Variants in GTF3C3 observed in about 807,000 individuals in gnomAD.
The protein encoded by GTF3C3 is general transcription factor 3C polypeptide 3.
In GTF3C3, 75 loss-of-function variants were observed where a neutral mutation model predicts 105.2. The ratio of observed to expected loss-of-function variants is 0.71; its 90% CI spans 0.59 to 0.86. The LOEUF (loss-of-function observed/expected upper bound fraction) is 0.86, where lower values mean the gene tolerates loss of function less well. Among genes scored for constraint, GTF3C3 ranks in the 40% least tolerant of loss-of-function variants. The pLI, the probability that GTF3C3 is intolerant of heterozygous loss-of-function variation, is 0.00. For synonymous variants in GTF3C3, 335 were observed against 370.4 expected, an observed-to-expected ratio of 0.90 and a Z score of 1.10; for missense variants, 856 against 1,076.5, an observed-to-expected ratio of 0.80 and a Z score of 2.87.
At chr2:196,787,925 A>G (rs1699480368) in intron 6 of GTF3C3, among the ~76,000 whole-genome samples, 1 of 152,142 alleles carries the variant, frequency 6.6e-6, no homozygotes, top group Admixed American at 6.6e-5. Flanking sequence ...TCCACATAGG[A>G]AAGACCTCAA....
At position 196,793,019 on chromosome 2, in the gene GTF3C3, G is replaced by A. The variant is rs951533067; in HGVS notation, c.348C>T (p.Pro116=). The A allele has an allele frequency of 8.1e-6, 13 of 1,613,740 alleles. No individual in the cohort carries two copies. Among genetic ancestry groups the A allele is most frequent in the Non-Finnish European group, 1.1e-5 (13 of 1,179,814 alleles). The change falls in exon 3 of 18, where the codon CCC becomes CCT. Residue 116 remains proline (P), a synonymous_variant. Coordinates refer to ENST00000263956, the MANE Select transcript of GTF3C3 (RefSeq NM_012086.5). ...CCAATACAAATACATCGCCCGCAGT[G>A]GGTTGCTCAGGTGTTTCTTCCTCCT... ...EEEEEETPEQ[P]TAGDVFVLEM...
In GTF3C3 at chr2:196,799,560, A is replaced by G; in HGVS notation, c.52T>C (p.Phe18Leu). The G allele has an allele frequency of 6.2e-7, 1 of 1,614,150 alleles. No individual in the cohort carries two copies. The highest frequency in any genetic ancestry group is 1.7e-5 in the Admixed American group (1 of 60,030). The change falls in exon 1 of 18, where the codon TTT becomes CTT. Residue 18 changes from phenylalanine to leucine, a missense_variant. Transcript: ENST00000263956. ...LIDYLEGKIS[F>L]EEFERRREER... is the part of the protein sequence containing the mutation. Reference sequence around the variant, plus strand: ...TCTCTCCGCCGTTCGAACTCCTCAAAGGAGATTTTCCCTTCCAAGTAGTCG... The same window carrying G: ...TCTCTCCGCCGTTCGAACTCCTCAAGGGAGATTTTCCCTTCCAAGTAGTCG...
intron 8 of GTF3C3, 132 bp from the exon 9 acceptor site, chr2:196,780,794 A>G (rs1699337169): frequency 3.9e-6 from 4 of 1,031,412 alleles, no homozygotes; most frequent in South Asian, 3.9e-5. Context: ...AACTCTATTA[A>G]TAAGTTCTTA....
intron 15 of GTF3C3, among the ~76,000 whole-genome samples, chr2:196,770,917 G>C (rs1263493500): frequency 2.0e-5 from 3 of 152,222 alleles, no homozygotes; most frequent in African/African-American, 7.2e-5. Context: ...TCTGATGTTT[G>C]AGGTTACTGG....
In GTF3C3 at chr2:196,772,966, C is replaced by G. The variant is rs1362106016; in HGVS notation, c.2019G>C (p.Leu673=). Residue 673 remains leucine (L), a synonymous_variant, in exon 14 of 18, where the codon CTG becomes CTC. Transcript: ENST00000263956. The part of the protein sequence containing the change: ...QKRKELEYFG[L]SAAILDKNFR... ...AATTTTTGTCCAGAATTGCAGCAGA[C>G]AGACCAAAGTATTCTAGTTCTTTGC... 5.6e-6 allele frequency: 9 copies of G among 1,603,712 alleles called. No individual in the cohort carries two copies. Among genetic ancestry groups the G allele is most frequent in the Non-Finnish European group, 7.7e-6 (9 of 1,176,166 alleles).
rs1699426047 is a variant in GTF3C3 at position 196,784,876 on chromosome 2, G to A, written c.1095C>T (p.Gly365=). ...IVLEKKTSEE[G]TSEENKAPEN... is the part of the protein sequence containing the mutation. ...TACAACCTTTATTCTCTTCTGAGGT[G>A]CCTTCTTCTGAAGTTTTTTTTTCCA... Residue 365 remains glycine (G), a synonymous_variant, in exon 8 of 18, where the codon GGC becomes GGT. Transcript: ENST00000263956. The A allele has an allele frequency of 6.2e-7, 1 of 1,611,008 alleles. No homozygotes were observed. Among genetic ancestry groups the A allele is most frequent in the African/African-American group, 1.3e-5 (1 of 74,838 alleles).
chr2:196,799,383 A>T (rs974463960), intron 1 of GTF3C3, 127 bp downstream of exon 1: 4 of 692,004 alleles, frequency 5.8e-6, no homozygotes, highest in Non-Finnish European at 1.0e-5. Flanking sequence ...TTTCTGTAAG[A>T]TAAGGAAGAA....
chr2:196,764,725 CTG>C (rs760299257), intron 17 of GTF3C3, 40 bp from the exon 18 acceptor site: 1 of 1,564,846 alleles, frequency 6.4e-7, no homozygotes, highest in Non-Finnish European at 8.7e-7. Context: ...ATATTTCCAA[CTG>C]TCAACCGGGA....
chr2:196,798,535 A>AAATAC (rs1186418317), intron 1 of GTF3C3, among the ~76,000 whole-genome samples: 15 of 151,770 alleles, frequency 9.9e-5, no homozygotes, highest in African/African-American at 3.4e-4. Context: ...AAATAAAATA[A>AAATAC]AATAAAATAA....
At chr2:196,782,295 G>A (rs1284218312) in intron 8 of GTF3C3, among the ~76,000 whole-genome samples, 6 of 152,180 alleles carry the variant, frequency 3.9e-5, no homozygotes, top group Non-Finnish European at 8.8e-5. Context: ...CTAATCTCCA[G>A]AACTGTGAGC....
chr2:196,795,009 G>A (rs754274421), intron 2 of GTF3C3, among the ~76,000 whole-genome samples: 12 of 149,820 alleles, frequency 8.0e-5, no homozygotes, highest in Non-Finnish European at 1.3e-4. Flanking sequence ...GATTACATGC[G>A]TAAGCTATCA....
chr2:196,784,059 AAC>A (rs1428241213), intron 8 of GTF3C3, among the ~76,000 whole-genome samples: 1 of 152,172 alleles, frequency 6.6e-6, no homozygotes, highest in Non-Finnish European at 1.5e-5. Flanking sequence ...TGTTTTAAGT[AAC>A]AGTTTTTGTT....
intron 6 of GTF3C3, 67 bp from the exon 7 acceptor site, chr2:196,785,655 T>A (rs1041437989): frequency 1.1e-6 from 1 of 924,592 alleles, no homozygotes; most frequent in Non-Finnish European, 1.7e-6. Context: ...TTTCCTTGCT[T>A]AGGCTATCTA....
chr2:196,784,578 G>GT (rs201351274), intron 8 of GTF3C3, among the ~76,000 whole-genome samples: 5 of 151,484 alleles, frequency 3.3e-5, no homozygotes, highest in East Asian at 1.9e-4. Flanking sequence ...TCAGTAATTC[G>GT]TTTTTTTTCC....
At position 196,775,230 on chromosome 2, in the gene GTF3C3, C is replaced by T; in HGVS notation, c.1717G>A (p.Val573Ile). Reference protein sequence around the residue: ...LLKVAMNRAQVCLISSSKSGE... With the variant: ...LLKVAMNRAQICLISSSKSGE... Reference sequence around the variant, plus strand: ...GACTTGGAACTGGATATCAAACAAACTTGGGCTCGATTCATTGCTACCTGA... The same window carrying T: ...GACTTGGAACTGGATATCAAACAAATTTGGGCTCGATTCATTGCTACCTGA... Residue 573 changes from valine to isoleucine, a missense_variant, in exon 13 of 18, where the codon GTT becomes ATT. Physicochemically the swap from Val to Ile is conservative, Grantham distance 29. Around this residue, in one of 3 missense-constraint regions of GTF3C3, gnomAD observed 605 missense variants for 833.6 expected, o/e 0.73. Transcript: ENST00000263956. 1 of 1,606,124 alleles carries T rather than the reference C, an allele frequency of 6.2e-7. No homozygotes were observed. Among genetic ancestry groups the T allele is most frequent in the Non-Finnish European group, 8.5e-7 (1 of 1,177,640 alleles).
intron 5 of GTF3C3, among the ~76,000 whole-genome samples, 186 bp from the exon 6 acceptor site, chr2:196,789,555 G>A (rs1481324018): frequency 1.3e-5 from 2 of 152,166 alleles, no homozygotes; most frequent in Non-Finnish European, 2.9e-5. Flanking sequence ...GATAGAATCT[G>A]AATCTCAACA....
At position 196,780,661 on chromosome 2, in the gene GTF3C3, A is replaced by T; in HGVS notation, c.1116T>A (p.Ala372=). The part of the protein sequence containing the change: ...SEEGTSEENK[A]PENVTCTIPD... ...GTATAGTGCAGGTAACATTCTCAGGAGCTGGAGAATACACAGACAAGAAGC... is the reference window on the plus strand; with the variant it reads ...GTATAGTGCAGGTAACATTCTCAGGTGCTGGAGAATACACAGACAAGAAGC... The change falls in exon 9 of 18, where the codon GCT becomes GCA. Residue 372 remains alanine, a splice_region_variant and synonymous_variant. Coordinates refer to ENST00000263956, the MANE Select transcript of GTF3C3 (RefSeq NM_012086.5). The T allele has an allele frequency of 6.2e-7, 1 of 1,609,396 alleles. No individual in the cohort carries two copies. The highest frequency in any genetic ancestry group is 1.1e-5 in the South Asian group (1 of 90,694).
chr2:196,784,989 C>T, intron 7 of GTF3C3, 60 bp from the exon 8 acceptor site: 1 of 1,103,764 alleles, frequency 9.1e-7, no homozygotes, highest in South Asian at 1.3e-5. Flanking sequence ...TTTCATAATG[C>T]AAAGATTTGT....
intron 2 of GTF3C3, among the ~76,000 whole-genome samples, chr2:196,795,869 A>T (rs1373557236): frequency 6.6e-6 from 1 of 152,268 alleles, no homozygotes; most frequent in African/African-American, 2.4e-5. Context: ...TGACATGATT[A>T]TATACATAGA....
Sources: gnomAD v4.1 joint callset for allele counts (sites outside exome capture counted in the v4.1 genomes callset) on GRCh38, gnomAD v4.1.1 for gene constraint, gnomAD v4.1.1 regional missense constraint, MANE v1.5 for transcripts, NCBI Gene and HGNC (gene_info 2026-07-23, HGNC 2026-07-21) for gene names.